Variants in CFAP43 observed in about 807,000 individuals in gnomAD.
CFAP43 encodes the protein cilia and flagella associated protein 43.
CFAP43 carries 155 observed loss-of-function variants against 218.9 expected under a neutral mutation model. The observed-to-expected ratio is 0.71, with a 90% CI of 0.62 to 0.81. CFAP43 has a LOEUF of 0.81. Among genes scored for constraint, CFAP43 ranks in the 30% least tolerant of loss-of-function variants. The pLI, the probability that CFAP43 is intolerant of heterozygous loss-of-function variation, is 0.00. For missense variants in CFAP43, 1,778 were observed against 1,954.3 expected (o/e 0.91, Z 1.70); for synonymous variants, 645 against 681.3 (o/e 0.95, Z 0.83).
chr10:104,134,045 CT>C (rs949986612), intron 34 of CFAP43, among the ~76,000 whole-genome samples: 2 of 151,904 alleles, frequency 1.3e-5, no homozygotes, highest in African/African-American at 2.4e-5. Context: ...TAGGCAGGAA[CT>C]TTTTTTTGCC....
At chr10:104,214,521 TAA>T in intron 3 of CFAP43, 95 bp from the exon 4 acceptor site, 3 of 1,039,742 alleles carry the variant, frequency 2.9e-6, no homozygotes, top group Non-Finnish European at 4.0e-6. Flanking sequence ...AATTGGGATA[TAA>T]TTTATGATAC....
chr10:104,231,992 G>C (rs923563675), intron 1 of CFAP43, among the ~76,000 whole-genome samples, 190 bp downstream of exon 1: 8 of 152,086 alleles, frequency 5.3e-5, no homozygotes, highest in Non-Finnish European at 1.0e-4. Flanking sequence ...CAAGGAACAA[G>C]GGGATGGGGA....
intron 16 of CFAP43, 150 bp from the exon 17 acceptor site, chr10:104,182,663 G>A (rs1352471530): frequency 4.2e-6 from 3 of 708,654 alleles, no homozygotes; most frequent in Non-Finnish European, 4.1e-6. Context: ...GTGCCTTGTG[G>A]AAACTTCTTC....
chr10:104,146,075 A>T (rs1310415494), intron 30 of CFAP43, among the ~76,000 whole-genome samples, 188 bp downstream of exon 30: 1 of 152,252 alleles, frequency 6.6e-6, no homozygotes, highest in Admixed American at 6.5e-5. Flanking sequence ...AGAGAAGCTT[A>T]TAAAAATTCA....
intron 3 of CFAP43, among the ~76,000 whole-genome samples, chr10:104,217,815 T>C (rs552683850): frequency 6.6e-6 from 1 of 152,108 alleles, no homozygotes; most frequent in African/African-American, 2.4e-5. Flanking sequence ...GCCATAGGAG[T>C]TGAGTGTGGA....
At position 104,192,186 on chromosome 10, in the gene CFAP43, T is replaced by G. The variant is rs1284482121; in HGVS notation, c.1546+13A>C. The stretch of plus-strand genomic sequence containing the variant: ...AATCAATATTTTAAATTAATCAGCA[T>G]TCTATGTTGTACCTGTGAATCCAAT... On this transcript the variant is annotated intron_variant, in intron 12 of 37. Transcript: ENST00000357060. 6.4e-7 allele frequency: 1 copy of G among 1,569,426 alleles called. No homozygotes were observed.
chr10:104,130,180 T>C lies in CFAP43; in HGVS notation c.4957A>G (p.Arg1653Gly), dbSNP rs1299230526. The C allele has an allele frequency of 6.2e-7, 1 of 1,606,878 alleles. No individual in the cohort carries two copies. Among genetic ancestry groups the C allele is most frequent in the Admixed American group, 1.7e-5 (1 of 58,158 alleles). The change falls in exon 38 of 38, where the codon AGA (arginine) becomes GGA (glycine). Residue 1653 changes from arginine to glycine, a missense_variant. Around this residue, in one of 3 missense-constraint regions of CFAP43, gnomAD observed 211 missense variants for 230.6 expected, o/e 0.91. Coordinates refer to ENST00000357060, the MANE Select transcript of CFAP43 (RefSeq NM_025145.7). The part of the protein sequence containing the change: ...QISILQTEVE[R>G]LRMKTFPALV... The stretch of plus-strand genomic sequence containing the variant: ...GCAGGAAATGTTTTCATTCTTAATC[T>C]TTCAACTTCAGTCTGTAGTATTGAA...
At chr10:104,190,965 G>C (rs1241946445) in intron 12 of CFAP43, among the ~76,000 whole-genome samples, 1 of 152,202 alleles carries the variant, frequency 6.6e-6, no homozygotes, top group Non-Finnish European at 1.5e-5. Flanking sequence ...AGTTGTCTAA[G>C]AATTCAATGG....
intron 22 of CFAP43, among the ~76,000 whole-genome samples, chr10:104,167,347 G>A (rs564772452): frequency 6.6e-6 from 1 of 152,154 alleles, no homozygotes; most frequent in East Asian, 1.9e-4. Flanking sequence ...CAACCTCTGT[G>A]CAGGATAAGA....
chr10:104,230,891 T>A (rs1307833743), intron 1 of CFAP43, 48 bp from the exon 2 acceptor site: 1 of 1,407,066 alleles, frequency 7.1e-7, no homozygotes, highest in Non-Finnish European at 9.4e-7. Flanking sequence ...TTCAAATACT[T>A]TTTTTTTTTT....
chr10:104,152,154 G>A (rs1199494856), intron 28 of CFAP43, among the ~76,000 whole-genome samples: 1 of 152,142 alleles, frequency 6.6e-6, no homozygotes, highest in Non-Finnish European at 1.5e-5. Context: ...ATACAGGGAT[G>A]AACAAGACAG....
intron 27 of CFAP43, among the ~76,000 whole-genome samples, chr10:104,154,418 C>T (rs2088433145): frequency 6.6e-6 from 1 of 152,096 alleles, no homozygotes; most frequent in South Asian, 2.1e-4. Context: ...AATTAAGCTA[C>T]CTAACAGTGA....
At chr10:104,218,293 A>C (rs1232607578) in intron 3 of CFAP43, among the ~76,000 whole-genome samples, 1 of 145,728 alleles carries the variant, frequency 6.9e-6, no homozygotes, top group East Asian at 2.1e-4. Context: ...GGTTGCAGTG[A>C]GCCGAGATCG....
In CFAP43 at chr10:104,232,305, G is replaced by A; in HGVS notation, c.-59C>T. On this transcript the variant is annotated 5_prime_UTR_variant, in exon 1 of 38. Coordinates refer to ENST00000357060, the MANE Select transcript of CFAP43 (RefSeq NM_025145.7). ...GCACGCAGCACCCCAGGGCGGGTCG[G>A]TTACCTTTCCGCCGCCGCGGGGCTG... 1 of 1,481,522 alleles carries A rather than the reference G, an allele frequency of 6.7e-7. No individual in the cohort carries two copies. Among genetic ancestry groups the A allele is most frequent in the Non-Finnish European group, 9.0e-7 (1 of 1,116,500 alleles). The allele number at this position is 1,481,522 out of a possible 1,614,324, so 91.8% of individuals were successfully genotyped here.
At position 104,214,307 on chromosome 10, in the gene CFAP43, C is replaced by T. The variant is rs2090954291; in HGVS notation, c.536G>A (p.Ser179Asn). ...QLCLSSPSTV[S>N]VWTIERSNQE... ...GTTACTTCTTTCAATGGTCCACACG[C>T]TCACTGTACTTGGACTTGATAAGCA... Residue 179 changes from serine (S) to asparagine (N), a missense_variant, in exon 4 of 38, where the codon AGC becomes AAC. Ser to Asn is a conservative substitution (Grantham distance 46). Around this residue, in one of 3 missense-constraint regions of CFAP43, gnomAD observed 1,553 missense variants for 1,685.2 expected, o/e 0.92. Coordinates refer to ENST00000357060, the MANE Select transcript of CFAP43 (RefSeq NM_025145.7). 1.2e-6 allele frequency: 2 copies of T among 1,608,178 alleles called. No homozygotes were observed. Among genetic ancestry groups the T allele is most frequent in the African/African-American group, 1.3e-5 (1 of 74,770 alleles).
At chr10:104,226,661 A>G (rs1027591133) in intron 2 of CFAP43, among the ~76,000 whole-genome samples, 2 of 152,216 alleles carry the variant, frequency 1.3e-5, no homozygotes, top group South Asian at 2.1e-4. Context: ...TTGAAAAAAT[A>G]CATACATATA....
chr10:104,177,963 G>A (rs1424458209), intron 19 of CFAP43, among the ~76,000 whole-genome samples: 1 of 152,166 alleles, frequency 6.6e-6, no homozygotes, highest in Non-Finnish European at 1.5e-5. Context: ...CAGAGCCAAA[G>A]CATCTGACAG....
chr10:104,191,790 G>GA (rs1045686520), intron 12 of CFAP43, among the ~76,000 whole-genome samples: 1 of 35,430 alleles, frequency 2.8e-5, no homozygotes, highest in Non-Finnish European at 5.1e-5. Context: ...TTGTGTGTGT[G>GA]GGGGGGGGGA....
At chr10:104,183,425 C>G (rs1312572298) in intron 16 of CFAP43, among the ~76,000 whole-genome samples, 1 of 150,074 alleles carries the variant, frequency 6.7e-6, no homozygotes, top group East Asian at 2.0e-4. Context: ...CTCTGTCGCC[C>G]AGGCCGGACT....
Sources: gnomAD v4.1 joint callset for allele counts (sites outside exome capture counted in the v4.1 genomes callset) on GRCh38, gnomAD v4.1.1 for gene constraint, gnomAD v4.1.1 regional missense constraint, MANE v1.5 for transcripts, NCBI Gene and HGNC (gene_info 2026-07-23, HGNC 2026-07-21) for gene names.